The following HYCC1 variants were observed in gnomAD, a reference collection of about 807,000 sequenced individuals.
HYCC1 encodes hyccin.
At chr7:22,940,237 T>G in the HYCC1 span, 16 of 9,174 alleles carry the variant, frequency 1.7e-3, no homozygotes, top group Admixed American at 6.3e-3. Context: ...ATAGGTTCTG[T>G]TTTTTTTTTT....
chr7:22,967,873 T>G, the HYCC1 span, among the ~76,000 whole-genome samples: 9 of 152,218 alleles, frequency 5.9e-5, no homozygotes, highest in Non-Finnish European at 8.8e-5. Context: ...ATATACTGTT[T>G]CAGATATGTT....
At chr7:23,005,130 G>A in the HYCC1 span, among the ~76,000 whole-genome samples, 1 of 152,096 alleles carries the variant, frequency 6.6e-6, no homozygotes, top group African/African-American at 2.4e-5. Flanking sequence ...TACAAGCAGA[G>A]GAATCCCACC....
chr7:22,977,913 T>C, the HYCC1 span, among the ~76,000 whole-genome samples: 2 of 152,212 alleles, frequency 1.3e-5, no homozygotes, highest in Non-Finnish European at 2.9e-5. Context: ...TGGTGAATAT[T>C]AGAGTAAATC....
At chr7:22,943,208 T>C in the HYCC1 span, 3 of 122,154 alleles carry the variant, frequency 2.5e-5, no homozygotes, top group Non-Finnish European at 5.9e-5. Flanking sequence ...TAAGAAGCCA[T>C]ATGTCAATAT....
chr7:22,965,219 T>G, the HYCC1 span, among the ~76,000 whole-genome samples: 369 of 151,758 alleles, frequency 2.4e-3, 1 homozygote, highest in Non-Finnish European at 3.3e-3. Flanking sequence ...CCACAATTTC[T>G]GACAAAGTTC....
At chr7:22,933,097 C>T in the HYCC1 span, among the ~76,000 whole-genome samples, 2 of 152,130 alleles carry the variant, frequency 1.3e-5, no homozygotes, top group Admixed American at 6.5e-5. Context: ...CCTGCTGACA[C>T]CTTGATTTCA....
chr7:22,910,967 C>A, the HYCC1 span, among the ~76,000 whole-genome samples: 175 of 151,940 alleles, frequency 1.2e-3, 1 homozygote, highest in East Asian at 0.022. Flanking sequence ...TATTATACAA[C>A]AATTAGGGCT....
the HYCC1 span, among the ~76,000 whole-genome samples, chr7:22,914,253 A>G: frequency 6.6e-6 from 1 of 151,886 alleles, no homozygotes; most frequent in Non-Finnish European, 1.5e-5. Context: ...CCTTGGTGGC[A>G]AGTCAATTGC....
the HYCC1 span, among the ~76,000 whole-genome samples, chr7:22,954,245 T>C: frequency 2.0e-5 from 3 of 150,980 alleles, no homozygotes; most frequent in African/African-American, 4.8e-5. Context: ...TTATTATTTA[T>C]AATATTTACT....
At chr7:23,006,423 C>G in the HYCC1 span, among the ~76,000 whole-genome samples, 1 of 152,140 alleles carries the variant, frequency 6.6e-6, no homozygotes. Context: ...CCTGCCACCA[C>G]ACCTGGCTAA....
the HYCC1 span, among the ~76,000 whole-genome samples, chr7:22,924,164 C>T: frequency 1.4e-4 from 17 of 125,802 alleles, no homozygotes; most frequent in South Asian, 8.4e-4. Context: ...GGTGACAGAG[C>T]GAGACTCTGT....
the HYCC1 span, chr7:23,013,814 G>C: frequency 4.9e-6 from 2 of 404,426 alleles, no homozygotes; most frequent in Non-Finnish European, 1.0e-5. Flanking sequence ...CAGGGACAAA[G>C]TCCCGGTCCT....
At chr7:22,979,822 C>A in the HYCC1 span, among the ~76,000 whole-genome samples, 1 of 151,962 alleles carries the variant, frequency 6.6e-6, no homozygotes, top group African/African-American at 2.4e-5. Context: ...AGAGTTTTTG[C>A]CATACGAAAA....
chr7:22,984,029 G>T, the HYCC1 span: 1 of 1,593,674 alleles, frequency 6.3e-7, no homozygotes, highest in African/African-American at 1.3e-5. Context: ...ATTTGGTAAA[G>T]ATGTTTCTGG....
chr7:22,904,222 G>C, the HYCC1 span, among the ~76,000 whole-genome samples: 4 of 151,856 alleles, frequency 2.6e-5, no homozygotes, highest in African/African-American at 9.7e-5. Context: ...ACGAGGTCAG[G>C]AGATCGAGAC....
the HYCC1 span, among the ~76,000 whole-genome samples, chr7:22,911,554 T>C: frequency 6.6e-6 from 1 of 152,118 alleles, no homozygotes; most frequent in Non-Finnish European, 1.5e-5. Flanking sequence ...GGTCAAGAGA[T>C]GGAGACCATC....
At chr7:22,999,626 G>C in the HYCC1 span, among the ~76,000 whole-genome samples, 4 of 152,086 alleles carry the variant, frequency 2.6e-5, no homozygotes, top group South Asian at 6.2e-4. Context: ...TAAGAGCAAA[G>C]AAACAGAAGT....
At chr7:22,910,783 T>TG in the HYCC1 span, among the ~76,000 whole-genome samples, 16 of 152,034 alleles carry the variant, frequency 1.1e-4, no homozygotes, top group Middle Eastern at 3.2e-3. Flanking sequence ...CCGGTTTTTT[T>TG]GGGGGGGCAA....
chr7:23,004,971 A>G, the HYCC1 span, among the ~76,000 whole-genome samples: 1 of 152,064 alleles, frequency 6.6e-6, no homozygotes, highest in Admixed American at 6.5e-5. Context: ...ATGCCCGGCT[A>G]ATTTTTTGTA....
Sources: gnomAD v4.1 joint callset for allele counts (sites outside exome capture counted in the v4.1 genomes callset) on GRCh38, gnomAD v4.1.1 for gene constraint, MANE v1.5 for transcripts, NCBI Gene and HGNC (gene_info 2026-07-23, HGNC 2026-07-21) for gene names.